Variants in HCN1 observed in about 807,000 individuals in gnomAD.
The protein encoded by HCN1 is potassium/sodium hyperpolarization-activated cyclic nucleotide-gated channel 1.
A neutral mutation model predicts 78.9 loss-of-function variants in HCN1; 13 were observed. The observed-to-expected ratio is 0.16, with a 90% confidence interval of 0.11 to 0.26. The LOEUF is 0.26. Ranked by LOEUF, HCN1 falls within the 10% of genes least tolerant of loss-of-function variation. The pLI is 1.00. For synonymous variants in HCN1, 552 were observed against 455.5 expected (o/e 1.21, Z -2.70); for missense variants, 810 against 1,154.3 (o/e 0.70, Z 4.32).
At chr5:45,402,467 G>C (rs547657473) in intron 3 of HCN1, among the ~76,000 whole-genome samples, 129 of 152,218 alleles carry the variant, frequency 8.5e-4, no homozygotes, top group Non-Finnish European at 1.0e-3. Context: ...GTTCAGAGGA[G>C]ACTCCCTCTC....
intron 1 of HCN1, among the ~76,000 whole-genome samples, chr5:45,684,841 A>C (rs1739771830): frequency 6.6e-6 from 1 of 152,218 alleles, no homozygotes; most frequent in Non-Finnish European, 1.5e-5. Context: ...CACCCTGTGT[A>C]ACAAAGCAAG....
At chr5:45,658,476 C>G (rs777360017) in intron 1 of HCN1, among the ~76,000 whole-genome samples, 4 of 152,288 alleles carry the variant, frequency 2.6e-5, no homozygotes, top group Non-Finnish European at 5.9e-5. Context: ...AGGAACAGCT[C>G]CAGTCTACAG....
intron 2 of HCN1, among the ~76,000 whole-genome samples, chr5:45,518,416 T>A (rs1742552375): frequency 6.6e-6 from 1 of 151,980 alleles, no homozygotes; most frequent in Admixed American, 6.6e-5. Context: ...GGCAGCCTGA[T>A]CACAGGACTG....
In HCN1 at chr5:45,320,317, A is replaced by T. The variant is rs1479337215; in HGVS notation, c.1378-16478T>A. Among the ~76,000 whole-genome samples the T allele has an allele frequency of 6.6e-5, 10 of 151,978 alleles. No individual in the cohort carries two copies. In the East Asian group the frequency reaches 1.9e-3, roughly 29 times the overall value. On this transcript the variant is annotated intron_variant, in intron 5 of 7. Transcript: ENST00000303230. ...TCCAAATATCCCATTTTTTCTTTCC[A>T]ATTCAGTAGCTTGGGTTCTTTATAA...
chr5:45,313,727 C>T (rs1268701838), intron 5 of HCN1, among the ~76,000 whole-genome samples: 1 of 152,172 alleles, frequency 6.6e-6, no homozygotes, highest in African/African-American at 2.4e-5. Context: ...AATGCACAAG[C>T]TTCAGTAGCC....
intron 2 of HCN1, among the ~76,000 whole-genome samples, chr5:45,566,637 G>A (rs1743711779): frequency 6.6e-6 from 1 of 151,882 alleles, no homozygotes; most frequent in African/African-American, 2.4e-5. Context: ...AAATAAAAGA[G>A]GAAAGAAAAA....
intron 3 of HCN1, among the ~76,000 whole-genome samples, chr5:45,409,546 G>A (rs1739987589): frequency 2.0e-5 from 3 of 151,908 alleles, no homozygotes; most frequent in African/African-American, 4.8e-5. Flanking sequence ...TCTTAGTAAT[G>A]GTAGAATTTA....
chr5:45,514,121 A>G (rs1742474081), intron 2 of HCN1, among the ~76,000 whole-genome samples: 1 of 152,162 alleles, frequency 6.6e-6, no homozygotes, highest in Admixed American at 6.6e-5. Flanking sequence ...CTTAGAATAC[A>G]TTGAATGAAA....
At chr5:45,563,421 A>G (rs942177403) in intron 2 of HCN1, among the ~76,000 whole-genome samples, 2 of 152,146 alleles carry the variant, frequency 1.3e-5, no homozygotes, top group Non-Finnish European at 2.9e-5. Context: ...ACTGCACTCC[A>G]GCCTGGAGGA....
At chr5:45,305,554 G>A (rs1332462002) in intron 5 of HCN1, among the ~76,000 whole-genome samples, 1 of 152,078 alleles carries the variant, frequency 6.6e-6, no homozygotes, top group Non-Finnish European at 1.5e-5. Context: ...TGTATCTAGG[G>A]AAATTTGTGA....
intron 5 of HCN1, among the ~76,000 whole-genome samples, chr5:45,336,299 T>C (rs1746454699): frequency 1.3e-5 from 2 of 152,096 alleles, no homozygotes; most frequent in South Asian, 4.1e-4. Flanking sequence ...GTAATAGTTT[T>C]AATTTAAAAT....
Position 45,257,397 on chromosome 5 carries a change from G to T in HCN1, c.*4524C>A, listed in dbSNP as rs1744638636. Reference sequence around the variant, plus strand: ...AAGCATGCTTAATTTTTCACTAAATGATAATTATTTCCCCAGCATTTAATG... The same window carrying T: ...AAGCATGCTTAATTTTTCACTAAATTATAATTATTTCCCCAGCATTTAATG... On this transcript the variant is annotated 3_prime_UTR_variant, in exon 8 of 8. Transcript: ENST00000303230. 6.6e-6 allele frequency: 1 copy of T among 152,150 alleles called. No individual in the cohort carries two copies. The highest frequency in any genetic ancestry group is 1.5e-5 in the Non-Finnish European group (1 of 68,044). The allele number at this position is 152,150 out of a possible 1,614,324, so 9.4% of individuals were successfully genotyped here.
chr5:45,658,387 T>C (rs559417869), intron 1 of HCN1, among the ~76,000 whole-genome samples: 2 of 152,210 alleles, frequency 1.3e-5, no homozygotes, highest in Non-Finnish European at 2.9e-5. Context: ...AATTGACAAA[T>C]GGGATCTAAT....
chr5:45,297,786 G>C (rs968165323), intron 6 of HCN1, among the ~76,000 whole-genome samples: 9 of 151,938 alleles, frequency 5.9e-5, no homozygotes, highest in African/African-American at 1.9e-4. Flanking sequence ...GGCATGCAAG[G>C]CTGGTTCAAC....
intron 5 of HCN1, among the ~76,000 whole-genome samples, chr5:45,318,433 A>C (rs953614075): frequency 1.3e-5 from 2 of 152,030 alleles, no homozygotes; most frequent in Non-Finnish European, 2.9e-5. Flanking sequence ...GGAGGGAGGA[A>C]GGATAGCATT....
At chr5:45,368,299 A>G (rs997920218) in intron 4 of HCN1, among the ~76,000 whole-genome samples, 2 of 152,050 alleles carry the variant, frequency 1.3e-5, no homozygotes, top group African/African-American at 4.8e-5. Context: ...TTTAATCCAT[A>G]GTCACTGCTA....
intron 4 of HCN1, among the ~76,000 whole-genome samples, chr5:45,367,949 T>C (rs575888939): frequency 1.3e-5 from 2 of 152,000 alleles, no homozygotes; most frequent in African/African-American, 4.8e-5. Context: ...TTGGCTGTTA[T>C]GGGTTATGCA....
At chr5:45,561,525 A>G (rs1561201628) in intron 2 of HCN1, among the ~76,000 whole-genome samples, 2 of 152,072 alleles carry the variant, frequency 1.3e-5, no homozygotes, top group African/African-American at 2.4e-5. Flanking sequence ...CTAAGATAAA[A>G]TACCTAATTT....
At chr5:45,347,079 C>T (rs1156417236) in intron 5 of HCN1, among the ~76,000 whole-genome samples, 2 of 152,322 alleles carry the variant, frequency 1.3e-5, no homozygotes, top group African/African-American at 4.8e-5. Context: ...GGGTCCCTGA[C>T]CCCTGATCCC....
Sources: gnomAD v4.1 joint callset for allele counts (sites outside exome capture counted in the v4.1 genomes callset) on GRCh38, gnomAD v4.1.1 for gene constraint, MANE v1.5 for transcripts, NCBI Gene and HGNC (gene_info 2026-07-23, HGNC 2026-07-21) for gene names.